The following CENPS variants were observed in gnomAD, a reference collection of about 807,000 sequenced individuals.
The protein encoded by CENPS is centromere protein S.
Under a neutral mutation model 17.9 loss-of-function variants are expected in CENPS, and 16 were observed. That is an observed-to-expected ratio of 0.90 (90% CI 0.61 to 1.36). The LOEUF (loss-of-function observed/expected upper bound fraction) is 1.36. Among genes scored for constraint, CENPS ranks in the 40% most tolerant of loss-of-function variants. CENPS has a pLI of 0.00. For synonymous variants in CENPS, 49 were observed against 55.8 expected (o/e 0.88, Z 0.54); for missense variants, 160 against 158.6 (o/e 1.01, Z -0.05).
intron 1 of CENPS, chr1:10,431,254 GCGAC>G: frequency 1.3e-6 from 2 of 1,534,522 alleles, no homozygotes; most frequent in Non-Finnish European, 1.7e-6. Flanking sequence ...ACCCGGAGTG[GCGAC>G]CTTAAAGAGG....
Position 10,442,491 on chromosome 1 carries a change from T to G in CENPS, c.*86T>G. 1 of 1,395,958 alleles carries G rather than the reference T, an allele frequency of 7.2e-7. No homozygotes were observed. The highest frequency in any genetic ancestry group is 9.3e-7 in the Non-Finnish European group (1 of 1,073,160). 86.5% of individuals were successfully genotyped at this position (1,395,958 alleles called of 1,614,324 possible). ...GGCTGCAAAGGAAACTTTGAAGGGT[T>G]AAATAGAGATTTAAAAAAATAAAAT... On this transcript the variant is annotated 3_prime_UTR_variant, in exon 5 of 5. Transcript: ENST00000309048.
In CENPS at chr1:10,442,273, C is replaced by G; in HGVS notation, c.285C>G (p.Tyr95Ter). 1.3e-6 allele frequency: 2 copies of G among 1,580,404 alleles called. No homozygotes were observed. Among genetic ancestry groups the G allele is most frequent in the Non-Finnish European group, 1.7e-6 (2 of 1,169,596 alleles). ...AGATTTTTTTTTTATAGCTAAAATA[C>G]ATCACAGACAAAAGTGAAGAGATTG... Reference protein sequence around the residue: ...LARRSNSLLKYITDKSEEIAQ... With the variant: ...LARRSNSLLK The change falls in exon 5 of 5, where the codon TAC becomes TAG. Residue 95 changes from tyrosine to a stop codon, truncating the protein, a stop_gained. Transcript: ENST00000309048. LOFTEE classifies it low-confidence loss of function (END_TRUNC).
At chr1:10,434,782 T>C in intron 3 of CENPS, 92 bp downstream of exon 3, 1 of 1,464,692 alleles carries the variant, frequency 6.8e-7, no homozygotes, top group Admixed American at 2.7e-5. Context: ...GCTTTAGCTA[T>C]TCAGTTTTCC....
intron 1 of CENPS, chr1:10,430,912 C>T (rs1045098270): frequency 1.6e-6 from 2 of 1,272,508 alleles, no homozygotes; most frequent in East Asian, 7.7e-5. Context: ...CGGCATTAGA[C>T]ATTCCAGGTG....
chr1:10,434,464 A>T (rs573713702), intron 2 of CENPS, among the ~76,000 whole-genome samples, 193 bp from the exon 3 acceptor site: 32 of 152,294 alleles, frequency 2.1e-4, no homozygotes, highest in Admixed American at 7.2e-4. Context: ...GGACAAGGAG[A>T]TCGTCATGAA....
intron 1 of CENPS, among the ~76,000 whole-genome samples, chr1:10,432,098 T>G (rs1204966259): frequency 6.6e-6 from 1 of 152,028 alleles, no homozygotes; most frequent in Non-Finnish European, 1.5e-5. Context: ...TGGTTTTTGT[T>G]TTTTTTGAAA....
chr1:10,440,421 A>G lies in CENPS; in HGVS notation c.276+8A>G, dbSNP rs540290948. The stretch of plus-strand genomic sequence containing the variant: ...AGGAGGAGTAATTCACTGGTGAGAG[A>G]TGAATTTCTTTCCTCACTCCCCTTT... On this transcript the variant is annotated splice_region_variant and intron_variant, in intron 4 of 4. Coordinates refer to ENST00000309048, the MANE Select transcript of CENPS (RefSeq NM_199294.3). 6.2e-7 allele frequency: 1 copy of G among 1,613,792 alleles called. No individual in the cohort carries two copies. The highest frequency in any genetic ancestry group is 8.5e-7 in the Non-Finnish European group (1 of 1,179,906).
chr1:10,434,592 C>A, intron 2 of CENPS, 65 bp from the exon 3 acceptor site: 2 of 1,600,458 alleles, frequency 1.2e-6, no homozygotes, highest in East Asian at 4.5e-5. Flanking sequence ...CAAGGCTTCA[C>A]TTTTTCTGCT....
At position 10,442,327 on chromosome 1, in the gene CENPS, G is replaced by A; in HGVS notation, c.339G>A (p.Gln113=). The A allele has an allele frequency of 6.2e-7, 1 of 1,607,148 alleles. No homozygotes were observed. Among genetic ancestry groups the A allele is most frequent in the Non-Finnish European group, 8.5e-7 (1 of 1,178,268 alleles). ...IAQINLERKA[Q]KKKKSEDGSK... is the part of the protein sequence containing the mutation. ...AGATTAACCTAGAACGAAAAGCACA[G>A]AAGAAAAAGAAGTCAGAGGATGGAA... The change falls in exon 5 of 5, where the codon CAG becomes CAA. Residue 113 remains glutamine, a synonymous_variant. Coordinates refer to ENST00000309048, the MANE Select transcript of CENPS (RefSeq NM_199294.3).
chr1:10,431,461 T>TTG (rs1639910420), intron 1 of CENPS: 2 of 1,517,702 alleles, frequency 1.3e-6, no homozygotes, highest in South Asian at 2.4e-5. Context: ...TTTGCTCTGT[T>TTG]TGCTCCCATG....
chr1:10,431,317 T>G, intron 1 of CENPS: 1 of 1,535,222 alleles, frequency 6.5e-7, no homozygotes, highest in Non-Finnish European at 8.7e-7. Context: ...GAGTTTCCTC[T>G]CTACAAAGTT....
chr1:10,432,984 G>A (rs570372114), intron 1 of CENPS, among the ~76,000 whole-genome samples: 1 of 152,306 alleles, frequency 6.6e-6, no homozygotes, highest in Admixed American at 6.5e-5. Flanking sequence ...CCTCTATCCT[G>A]AGTTCCTGGA....
rs556795832 is a variant in CENPS, at chr1:10,430,770, G to A, written c.51+202G>A. On this transcript the variant is annotated intron_variant, in intron 1 of 4. Transcript: ENST00000309048. ...GCAACGCGGCTGGACCCTGGCCTGC[G>A]CTGGCTGGGGAGGAAGCGGTTCTAG... 1.5e-4 allele frequency: 213 copies of A among 1,390,984 alleles called. No individual in the cohort carries two copies. In the African/African-American group the frequency reaches 2.8e-3, roughly 18 times the overall value. The allele number at this position is 1,390,984 out of a possible 1,614,324, so 86.2% of individuals were successfully genotyped here.
At chr1:10,435,107 G>A (rs746312720) in intron 3 of CENPS, among the ~76,000 whole-genome samples, 5 of 152,170 alleles carry the variant, frequency 3.3e-5, no homozygotes, top group Admixed American at 6.5e-5. Flanking sequence ...GCTTGCAGGT[G>A]TACACAGAAT....
chr1:10,436,269 G>A (rs1458323525), intron 3 of CENPS, among the ~76,000 whole-genome samples: 5 of 151,466 alleles, frequency 3.3e-5, no homozygotes, highest in Non-Finnish European at 5.9e-5. Flanking sequence ...TTGAGCCACC[G>A]CGCCCGGCAA....
chr1:10,436,800 C>A (rs1321829362), intron 3 of CENPS, among the ~76,000 whole-genome samples: 1 of 151,988 alleles, frequency 6.6e-6, no homozygotes, highest in Non-Finnish European at 1.5e-5. Flanking sequence ...TGATGAGGCT[C>A]CAGGAGTCTG....
intron 1 of CENPS, among the ~76,000 whole-genome samples, chr1:10,433,339 C>G (rs996810377): frequency 8.5e-5 from 13 of 152,186 alleles, no homozygotes; most frequent in Admixed American, 3.9e-4. Flanking sequence ...CCCTCTTGAG[C>G]CTTTCCCGTG....
intron 3 of CENPS, among the ~76,000 whole-genome samples, chr1:10,436,670 C>A (rs1335135509): frequency 6.7e-6 from 1 of 148,882 alleles, no homozygotes; most frequent in Non-Finnish European, 1.5e-5. Context: ...CGTGCCCCTT[C>A]ACTCCAGCCT....
Position 10,434,680 on chromosome 1 carries a change from A to G in CENPS, c.199A>G (p.Met67Val). Residue 67 changes from methionine (M) to valine (V), a missense_variant, in exon 3 of 5, where the codon ATG becomes GTG. Physicochemically the swap from Met to Val is conservative, Grantham distance 21. Coordinates refer to ENST00000309048, the MANE Select transcript of CENPS (RefSeq NM_199294.3). The part of the protein sequence containing the change: ...QCENFAKDLE[M>V]FARHAKRTTI... ...AGAAAATTTTGCCAAAGACCTTGAA[A>G]TGTTTGCAAGGTGGGTAGAGAACTT... The G allele has an allele frequency of 6.2e-7, 1 of 1,607,622 alleles. No homozygotes were observed. The highest frequency in any genetic ancestry group is 8.5e-7 in the Non-Finnish European group (1 of 1,178,284).
Sources: gnomAD v4.1 joint callset for allele counts (sites outside exome capture counted in the v4.1 genomes callset) on GRCh38, gnomAD v4.1.1 for gene constraint, MANE v1.5 for transcripts, NCBI Gene and HGNC (gene_info 2026-07-23, HGNC 2026-07-21) for gene names.